HERC1: variants seen among roughly 807,000 people sequenced by gnomAD.
The protein encoded by HERC1 is HECT and RLD domain containing E3 ubiquitin protein ligase family member 1, also known as probable E3 ubiquitin-protein ligase HERC1.
A neutral mutation model predicts 554.3 loss-of-function variants in HERC1; 160 were observed. The observed-to-expected ratio is 0.29, with a 90% confidence interval of 0.25 to 0.33. The LOEUF (loss-of-function observed/expected upper bound fraction) is 0.33. Ranked by LOEUF, HERC1 falls within the 10% of genes least tolerant of loss-of-function variation. The pLI, the probability that HERC1 is intolerant of heterozygous loss-of-function variation, is 1.00. For missense variants in HERC1, 4,919 were observed against 5,918.5 expected, an observed-to-expected ratio of 0.83 and a Z score of 5.54; for synonymous variants, 2,175 against 2,131.7, an observed-to-expected ratio of 1.02 and a Z score of -0.56.
chr15:63,771,534 G>A (rs182087895), intron 2 of HERC1, among the ~76,000 whole-genome samples: 1,629 of 151,554 alleles, frequency 0.011, 27 homozygotes, highest in African/African-American at 0.038. Context: ...AGGTTCAAGC[G>A]ATTCTCCCTG....
At chr15:63,644,109 C>T (rs2069204095) in intron 57 of HERC1, among the ~76,000 whole-genome samples, 2 of 152,184 alleles carry the variant, frequency 1.3e-5, no homozygotes, top group Non-Finnish European at 2.9e-5. Context: ...CTGTGATATT[C>T]TCCTATTAGT....
chr15:63,703,764 G>A (rs2072853872), intron 25 of HERC1, among the ~76,000 whole-genome samples: 1 of 151,770 alleles, frequency 6.6e-6, no homozygotes, highest in Admixed American at 6.6e-5. Flanking sequence ...AATTAGCCAG[G>A]CATAGTGGCA....
At chr15:63,664,622 A>G in intron 42 of HERC1, 28 bp from the exon 43 acceptor site, 2 of 1,599,850 alleles carry the variant, frequency 1.3e-6, no homozygotes, top group Non-Finnish European at 1.7e-6. Context: ...AAAGCAACAC[A>G]AAGTTTTTGA....
chr15:63,711,146 C>T (rs2073271946), intron 24 of HERC1, among the ~76,000 whole-genome samples: 3 of 152,030 alleles, frequency 2.0e-5, no homozygotes, highest in Admixed American at 2.0e-4. Context: ...TCAGCCTGGG[C>T]AACAGAGCAA....
At chr15:63,647,551 T>C (rs1395809606) in intron 55 of HERC1, among the ~76,000 whole-genome samples, 2 of 152,198 alleles carry the variant, frequency 1.3e-5, no homozygotes, top group Non-Finnish European at 2.9e-5. Context: ...CCTGCACTCA[T>C]ACATTTATCA....
In HERC1 at chr15:63,734,626, T is replaced by C. The variant is rs2074425134; in HGVS notation, c.2646+98A>G. On this transcript the variant is annotated intron_variant, in intron 13 of 77. Coordinates refer to ENST00000443617, the MANE Select transcript of HERC1 (RefSeq NM_003922.4). This position sits in a 1 kb window ranked among gnomAD's most constrained non-coding sequence, Gnocchi z 4.6. ...AACACATTAACCCATCAAGTACTTA[T>C]GCTCCAAGAACACATGGCAATTTAT... The C allele has an allele frequency of 9.7e-6, 10 of 1,026,340 alleles. No individual in the cohort carries two copies. Among genetic ancestry groups the C allele is most frequent in the African/African-American group, 3.4e-5 (2 of 59,434 alleles). The allele number at this position is 1,026,340 out of a possible 1,614,324, so 63.6% of individuals were successfully genotyped here. A position where few individuals can be genotyped will look rare whatever the true frequency, so the allele number is the denominator to read the frequency against.
intron 1 of HERC1, among the ~76,000 whole-genome samples, chr15:63,822,064 T>C (rs968956323): frequency 6.6e-6 from 1 of 152,166 alleles, no homozygotes; most frequent in Non-Finnish European, 1.5e-5. Flanking sequence ...GGCACTCTCT[T>C]TAAACAGAAG....
At chr15:63,832,948 C>G (rs1242561737) in intron 1 of HERC1, among the ~76,000 whole-genome samples, 1 of 152,202 alleles carries the variant, frequency 6.6e-6, no homozygotes, top group Non-Finnish European at 1.5e-5. Context: ...ATTTAATTAT[C>G]TCTATATTCT....
intron 64 of HERC1, 143 bp downstream of exon 64, chr15:63,637,362 A>G (rs1785390452): frequency 1.5e-6 from 1 of 680,152 alleles, no homozygotes; most frequent in South Asian, 1.9e-5. Context: ...AAGGCTGCAC[A>G]CATGCCTAAA....
chr15:63,745,486 T>C (rs1383172094), intron 12 of HERC1, among the ~76,000 whole-genome samples: 3 of 152,226 alleles, frequency 2.0e-5, no homozygotes, highest in African/African-American at 7.2e-5. Flanking sequence ...ATGCTCCCTC[T>C]GTGCACAGGT....
intron 12 of HERC1, among the ~76,000 whole-genome samples, chr15:63,735,080 T>C (rs1344033682): frequency 2.6e-5 from 4 of 152,090 alleles, no homozygotes; most frequent in Non-Finnish European, 5.9e-5. Context: ...TTAGTGTTGA[T>C]TCTATAGCAT....
At position 63,723,294 on chromosome 15, in the gene HERC1, A is replaced by G. The variant is rs934770384; in HGVS notation, c.3630T>C (p.Phe1210=). The G allele has an allele frequency of 6.3e-7, 1 of 1,597,410 alleles. No individual in the cohort carries two copies. The highest frequency in any genetic ancestry group is 8.5e-7 in the Non-Finnish European group (1 of 1,170,918). The part of the protein sequence containing the change: ...ALSGNEEQKP[F]DYKLRPEIAV... Reference sequence around the variant, plus strand: ...CAATTTCAGGCCGCAATTTATAATCAAAAGGCTTCTGTTCTTCATTTCCAG... The same window carrying G: ...CAATTTCAGGCCGCAATTTATAATCGAAAGGCTTCTGTTCTTCATTTCCAG... The change falls in exon 19 of 78, where the codon TTT becomes TTC. Residue 1210 remains phenylalanine (F), a synonymous_variant. Coordinates refer to ENST00000443617, the MANE Select transcript of HERC1 (RefSeq NM_003922.4).
chr15:63,788,742 C>T (rs1202699238), intron 1 of HERC1, among the ~76,000 whole-genome samples: 1 of 151,678 alleles, frequency 6.6e-6, no homozygotes, highest in Non-Finnish European at 1.5e-5. Flanking sequence ...CGTGGTGAAG[C>T]CCCGTCTCTA....
rs750190819 is a variant in HERC1, at chr15:63,674,905, A to T, written c.7283T>A (p.Val2428Asp). Reference protein sequence around the residue: ...HRHESEEKGDVEQKPESESAL... With the variant: ...HRHESEEKGDDEQKPESESAL... ...GGATTCACTCTCAGGTTTCTGCTCA[A>T]CATCCCCTTTCTCCTCGGATTCATG... is the stretch of plus-strand genomic sequence containing the variant. Residue 2428 changes from valine (V) to aspartate (D), a missense_variant, in exon 38 of 78, where the codon GTT becomes GAT. Around this residue, in one of 11 missense-constraint regions of HERC1, gnomAD observed 1,963 missense variants for 2,228.6 expected, o/e 0.88. Transcript: ENST00000443617. The T allele has an allele frequency of 1.4e-5, 22 of 1,614,036 alleles. No homozygotes were observed. Among genetic ancestry groups the T allele is most frequent in the Non-Finnish European group, 1.8e-5 (21 of 1,179,898 alleles).
Position 63,727,963 on chromosome 15 carries a change from C to A in HERC1, c.3155-125G>T. On this transcript the variant is annotated intron_variant, in intron 16 of 77. Transcript: ENST00000443617. This position sits in a 1 kb window ranked among gnomAD's most constrained non-coding sequence, Gnocchi z 4.3. ...TCATTCAACAACTCTCTGTTGAACA[C>A]CTACCTGGTAGCTGATGTAGTATCA... 2 of 672,142 alleles carry A rather than the reference C, an allele frequency of 3.0e-6. No individual in the cohort carries two copies. The highest frequency in any genetic ancestry group is 5.0e-6 in the Non-Finnish European group (2 of 398,308). 41.6% of individuals were successfully genotyped at this position (672,142 alleles called of 1,614,324 possible).
Position 63,733,107 on chromosome 15 carries a change from A to T in HERC1, c.2685T>A (p.Asp895Glu). ...QLDIILTSLQDHTHVASLLGY... is the reference protein window; with the variant it reads ...QLDIILTSLQEHTHVASLLGY... ...CAAGTAGGGAGGCTACGTGGGTATG[A>T]TCTTGCAAACTTGTCAGGATGATAT... The change falls in exon 14 of 78, where the codon GAT becomes GAA. Residue 895 changes from aspartate (D) to glutamate (E), a missense_variant. Physicochemically the swap from Asp to Glu is conservative, Grantham distance 45 (BLOSUM62 2). This residue lies in a region of HERC1 where 744 missense variants were observed against 1,090.0 expected (regional missense o/e 0.68). Transcript: ENST00000443617. 6.2e-7 allele frequency: 1 copy of T among 1,613,888 alleles called. No homozygotes were observed. Among genetic ancestry groups the T allele is most frequent in the Non-Finnish European group, 8.5e-7 (1 of 1,179,784 alleles).
intron 40 of HERC1, among the ~76,000 whole-genome samples, chr15:63,667,275 T>C (rs2152952801): frequency 6.6e-6 from 1 of 152,316 alleles, no homozygotes; most frequent in African/African-American, 2.4e-5. Flanking sequence ...CTAGGAGCAA[T>C]GGTTCAGTAT....
At chr15:63,675,285 T>C (rs1162892796) in intron 37 of HERC1, 168 bp from the exon 38 acceptor site, 8 of 529,172 alleles carry the variant, frequency 1.5e-5, no homozygotes, top group Admixed American at 1.1e-4. Context: ...GAGTCTATTA[T>C]GAGAAAATGG....
intron 1 of HERC1, among the ~76,000 whole-genome samples, chr15:63,802,783 T>C (rs909756747): frequency 2.0e-5 from 3 of 152,260 alleles, no homozygotes; most frequent in Non-Finnish European, 4.4e-5. Flanking sequence ...TTTAAGTTCC[T>C]ATAAGTGAGT....
Sources: allele counts gnomAD v4.1 joint callset (sites outside exome capture counted in the v4.1 genomes callset), GRCh38; gene constraint gnomAD v4.1.1; regional missense constraint gnomAD v4.1.1; non-coding constraint Gnocchi (gnomAD v3.1); transcripts MANE v1.5; gene names NCBI Gene and HGNC (gene_info 2026-07-23, HGNC 2026-07-21).